The following C10orf90 variants were observed in gnomAD, a reference collection of about 807,000 sequenced individuals.
The protein encoded by C10orf90 is (E2-independent) E3 ubiquitin-conjugating enzyme FATS.
A neutral mutation model predicts 62.5 loss-of-function variants in C10orf90; 56 were observed. That is an observed-to-expected ratio of 0.90 (90% CI 0.72 to 1.12). The LOEUF is 1.12. Among genes scored for constraint, C10orf90 ranks in the 50% most tolerant of loss-of-function variants. The pLI is 0.00. For synonymous variants in C10orf90, 386 were observed against 340.4 expected (o/e 1.13, Z -1.47); for missense variants, 970 against 880.4 (o/e 1.10, Z -1.29).
At chr10:126,468,017 T>C (rs1860382028) in intron 4 of C10orf90, among the ~76,000 whole-genome samples, 1 of 152,074 alleles carries the variant, frequency 6.6e-6, no homozygotes, top group African/African-American at 2.4e-5. Context: ...TTCCCACCTA[T>C]GTAGGTACCC....
chr10:126,467,397 A>T lies in C10orf90; in HGVS notation c.1535-2411T>A, dbSNP rs139481037. On this transcript the variant is annotated intron_variant, in intron 4 of 9. Coordinates refer to ENST00000488181, the MANE Select transcript of C10orf90 (RefSeq NM_001350921.2). ...GTGGGCCCTCGCAGGACAAGGCGGC[A>T]TGTGTGCTCTTCTCCTCCCATGCAC... 7.2e-5 allele frequency among the ~76,000 whole-genome samples: 11 copies of T among 152,346 alleles called. No homozygotes were observed. The East Asian group carries it at 1.9e-3, about 27-fold the overall frequency.
intron 1 of C10orf90, among the ~76,000 whole-genome samples, chr10:126,666,569 G>A (rs1045375132): frequency 2.0e-5 from 3 of 152,146 alleles, no homozygotes; most frequent in Admixed American, 1.3e-4. Flanking sequence ...GAGATGAAAG[G>A]AGTCACCTGG....
At chr10:126,454,953 A>G (rs1048343962) in intron 7 of C10orf90, among the ~76,000 whole-genome samples, 4 of 151,994 alleles carry the variant, frequency 2.6e-5, no homozygotes, top group African/African-American at 9.7e-5. Context: ...GAGACTTGAA[A>G]TCAAAGGCCA....
Position 126,646,608 on chromosome 10 carries a change from T to C in C10orf90, c.270A>G (p.Lys90=), listed in dbSNP as rs1484419075. 2.2e-6 allele frequency: 1 copy of C among 449,762 alleles called. No homozygotes were observed. The highest frequency in any genetic ancestry group is 4.5e-6 in the Non-Finnish European group (1 of 224,190). The allele number at this position is 449,762 out of a possible 1,614,324, so 27.9% of individuals were successfully genotyped here. Residue 90 remains lysine (K), a synonymous_variant, in exon 2 of 10, where the codon AAA becomes AAG. Transcript: ENST00000488181. The part of the protein sequence containing the change: ...EIHSRLFSSP[K]DHSAWERNES... ...CATTTCTTTCCCAGGCAGAATGATC[T>C]TTGGGGGATGAGAAGAGTCGACTGT...
intron 2 of C10orf90, among the ~76,000 whole-genome samples, chr10:126,615,647 T>C (rs533184198): frequency 6.6e-6 from 1 of 152,278 alleles, no homozygotes; most frequent in African/African-American, 2.4e-5. Context: ...AACATCTTTT[T>C]TTCAGTAGTT....
intron 4 of C10orf90, among the ~76,000 whole-genome samples, chr10:126,474,565 A>T (rs1860753884): frequency 6.6e-6 from 1 of 152,238 alleles, no homozygotes; most frequent in Non-Finnish European, 1.5e-5. Flanking sequence ...ATACCAAAAC[A>T]AATAAACAGA....
intron 4 of C10orf90, among the ~76,000 whole-genome samples, chr10:126,499,588 C>T (rs903253727): frequency 5.3e-5 from 8 of 152,168 alleles, no homozygotes; most frequent in East Asian, 1.9e-4. Flanking sequence ...AAGCCTCACT[C>T]GCTATTAATG....
intron 2 of C10orf90, among the ~76,000 whole-genome samples, chr10:126,605,014 A>G (rs946042863): frequency 5.3e-5 from 8 of 152,220 alleles, no homozygotes; most frequent in Non-Finnish European, 8.8e-5. Flanking sequence ...CAGAAGATAC[A>G]TGGTAATGAA....
chr10:126,546,816 G>C (rs1864503429), intron 2 of C10orf90, among the ~76,000 whole-genome samples: 1 of 152,222 alleles, frequency 6.6e-6, no homozygotes, highest in South Asian at 2.1e-4. Context: ...TGAGTGTCCA[G>C]GTTTTCATTG....
At position 126,459,029 on chromosome 10, in the gene C10orf90, C is replaced by G. The variant is rs1286466084; in HGVS notation, c.2188+11G>C. 2 of 1,608,520 alleles carry G rather than the reference C, an allele frequency of 1.2e-6. No homozygotes were observed. The highest frequency in any genetic ancestry group is 1.7e-6 in the Non-Finnish European group (2 of 1,177,474). On this transcript the variant is annotated intron_variant, in intron 7 of 9. Transcript: ENST00000488181. Reference sequence around the variant, plus strand: ...GTCTTTTCCAGTCTCCACAAGCCACCTGCAGCTTACCACTCAGAGGATGGG... The same window carrying G: ...GTCTTTTCCAGTCTCCACAAGCCACGTGCAGCTTACCACTCAGAGGATGGG...
At chr10:126,516,694 G>T (rs902863050) in intron 2 of C10orf90, among the ~76,000 whole-genome samples, 2 of 152,230 alleles carry the variant, frequency 1.3e-5, no homozygotes, top group African/African-American at 4.8e-5. Flanking sequence ...GCCTGTGGCT[G>T]CTGCGACAAA....
intron 2 of C10orf90, among the ~76,000 whole-genome samples, chr10:126,549,722 A>G (rs1864583214): frequency 6.7e-6 from 1 of 149,712 alleles, no homozygotes; most frequent in East Asian, 2.0e-4. Context: ...CTGAATGTTT[A>G]TAACATCTTT....
intron 7 of C10orf90, among the ~76,000 whole-genome samples, chr10:126,455,472 G>A (rs959488769): frequency 2.6e-5 from 4 of 152,232 alleles, no homozygotes; most frequent in East Asian, 1.9e-4. Context: ...CTCTTCACCC[G>A]CCTGCTTCCC....
chr10:126,667,791 G>A (rs989243980), intron 1 of C10orf90, among the ~76,000 whole-genome samples: 1 of 152,146 alleles, frequency 6.6e-6, no homozygotes, highest in African/African-American at 2.4e-5. Flanking sequence ...TGGCTACATT[G>A]ATGTCTGAAA....
intron 2 of C10orf90, among the ~76,000 whole-genome samples, chr10:126,537,840 G>A (rs1293530395): frequency 6.6e-6 from 1 of 152,160 alleles, no homozygotes; most frequent in Non-Finnish European, 1.5e-5. Flanking sequence ...CTAACCCCCA[G>A]TACCTCAGAA....
chr10:126,546,415 C>T (rs958670781), intron 2 of C10orf90, among the ~76,000 whole-genome samples: 1 of 152,226 alleles, frequency 6.6e-6, no homozygotes, highest in Admixed American at 6.5e-5. Context: ...CTTCCACCCC[C>T]ACCCAGCAGT....
At chr10:126,550,670 C>T (rs1317813781) in intron 2 of C10orf90, among the ~76,000 whole-genome samples, 1 of 151,808 alleles carries the variant, frequency 6.6e-6, no homozygotes, top group Non-Finnish European at 1.5e-5. Context: ...CCACCACGCC[C>T]AGCTAATTTT....
intron 7 of C10orf90, among the ~76,000 whole-genome samples, chr10:126,439,627 A>C (rs973115166): frequency 1.3e-5 from 2 of 152,192 alleles, no homozygotes; most frequent in East Asian, 1.9e-4. Flanking sequence ...AATAATTAAA[A>C]GGAACCAATT....
At chr10:126,559,723 C>G (rs1182953639) in intron 2 of C10orf90, among the ~76,000 whole-genome samples, 1 of 152,174 alleles carries the variant, frequency 6.6e-6, no homozygotes, top group Non-Finnish European at 1.5e-5. Context: ...AAAAACCAAC[C>G]AAGAAACCTC....
Sources: allele counts gnomAD v4.1 joint callset (sites outside exome capture counted in the v4.1 genomes callset), GRCh38; gene constraint gnomAD v4.1.1; transcripts MANE v1.5; gene names NCBI Gene and HGNC (gene_info 2026-07-23, HGNC 2026-07-21).